The following GABRG1 variants were observed in gnomAD, a reference collection of about 807,000 sequenced individuals.
The protein encoded by GABRG1 is gamma-aminobutyric acid receptor subunit gamma-1.
A neutral mutation model predicts 49.8 loss-of-function variants in GABRG1; 49 were observed. The ratio of observed to expected loss-of-function variants is 0.98; its 90% CI spans 0.78 to 1.25. The LOEUF (loss-of-function observed/expected upper bound fraction) is 1.25, where lower values mean the gene tolerates loss of function less well. Ranked by LOEUF, GABRG1 falls within the 50% of genes most tolerant of loss-of-function variation. GABRG1 has a pLI of 0.00. For missense variants in GABRG1, 552 were observed against 552.3 expected, an observed-to-expected ratio of 1.00 and a Z score of 0.01; for synonymous variants, 232 against 185.1, an observed-to-expected ratio of 1.25 and a Z score of -2.06.
intron 5 of GABRG1, among the ~76,000 whole-genome samples, chr4:46,061,172 T>G (rs1187344494): frequency 6.6e-6 from 1 of 152,170 alleles, no homozygotes; most frequent in Non-Finnish European, 1.5e-5. Flanking sequence ...TTATTGCATA[T>G]GAACTTTTCC....
intron 2 of GABRG1, among the ~76,000 whole-genome samples, chr4:46,087,151 T>C (rs765552803): frequency 6.6e-5 from 10 of 151,630 alleles, no homozygotes; most frequent in Non-Finnish European, 1.0e-4. Flanking sequence ...ATGAGTTGAG[T>C]ATCCTTTCTC....
In GABRG1 at chr4:46,077,986, T is replaced by A. The variant is rs547378241; in HGVS notation, c.321+6000A>T. Among the ~76,000 whole-genome samples, 72 of 151,834 alleles carry A rather than the reference T, an allele frequency of 4.7e-4. No homozygotes were observed. In the South Asian group the frequency reaches 6.4e-3, roughly 14 times the overall value. On this transcript the variant is annotated intron_variant, in intron 3 of 8. Coordinates refer to ENST00000295452, the MANE Select transcript of GABRG1 (RefSeq NM_173536.4). The stretch of plus-strand genomic sequence containing the variant: ...GAAAATGACTTTTATTTATTTCTAA[T>A]ATTTAATTTTTTCTCTATAAATGTT...
At position 46,038,928 on chromosome 4, in the gene GABRG1, A is replaced by AG. The variant is rs2109388633; in HGVS notation, c.*2059dup. The AG allele has an allele frequency of 6.6e-6, 1 of 151,790 alleles. No individual in the cohort carries two copies. Among genetic ancestry groups the AG allele is most frequent in the South Asian group, 2.1e-4 (1 of 4,822 alleles). 9.4% of individuals were successfully genotyped at this position (151,790 alleles called of 1,614,324 possible). A position where few individuals can be genotyped will look rare whatever the true frequency, so the allele number is the denominator to read the frequency against. Reference sequence around the variant, plus strand: ...CAAAGCTATTTTTTTTCTTTTACATAGAACGTGGTTCAGAAGGAAAAGCTA... The same window carrying AG: ...CAAAGCTATTTTTTTTCTTTTACATAGGAACGTGGTTCAGAAGGAAAAGCTA... On this transcript the variant is annotated 3_prime_UTR_variant, in exon 9 of 9. Transcript: ENST00000295452.
chr4:46,090,614 G>C (rs185367680), intron 2 of GABRG1, among the ~76,000 whole-genome samples: 72 of 151,788 alleles, frequency 4.7e-4, no homozygotes, highest in African/African-American at 1.7e-3. Flanking sequence ...CTTCCTTTGT[G>C]GTTTAATTGA....
chr4:46,069,603 T>C (rs1259094966), intron 3 of GABRG1, among the ~76,000 whole-genome samples: 1 of 152,116 alleles, frequency 6.6e-6, no homozygotes, highest in Non-Finnish European at 1.5e-5. Flanking sequence ...ATTCAAAAAG[T>C]AGACACATAT....
intron 3 of GABRG1, among the ~76,000 whole-genome samples, chr4:46,072,592 A>G (rs1719171617): frequency 6.6e-6 from 1 of 152,164 alleles, no homozygotes; most frequent in South Asian, 2.1e-4. Flanking sequence ...AGTTTGCTTC[A>G]TATTTCTCAA....
At chr4:46,043,276 T>A (rs957059480) in intron 8 of GABRG1, among the ~76,000 whole-genome samples, 1 of 151,956 alleles carries the variant, frequency 6.6e-6, no homozygotes, top group African/African-American at 2.4e-5. Context: ...GCAAGGGGTT[T>A]ATTTAAAAAA....
chr4:46,044,119 A>G (rs1303884629), intron 8 of GABRG1, among the ~76,000 whole-genome samples: 1 of 152,124 alleles, frequency 6.6e-6, no homozygotes, highest in East Asian at 1.9e-4. Flanking sequence ...ACTCCTTCAC[A>G]AAATCCTGTT....
At chr4:46,048,414 G>GGAAC (rs1366429913) in intron 8 of GABRG1, among the ~76,000 whole-genome samples, 31 of 145,030 alleles carry the variant, frequency 2.1e-4, no homozygotes, top group African/African-American at 8.5e-4. Context: ...AAGGAAGGAA[G>GGAAC]GAAGGAAGGT....
At chr4:46,080,237 A>T (rs1377633080) in intron 3 of GABRG1, among the ~76,000 whole-genome samples, 1 of 151,854 alleles carries the variant, frequency 6.6e-6, no homozygotes, top group South Asian at 2.1e-4. Context: ...CTGGTCACTT[A>T]AATTATATGA....
chr4:46,037,358 G>T lies in GABRG1; in HGVS notation c.*3630C>A, dbSNP rs556090388. 4.0e-5 allele frequency: 6 copies of T among 151,886 alleles called. No individual in the cohort carries two copies. The East Asian group carries it at 1.2e-3, about 29-fold the overall frequency. 9.4% of individuals were successfully genotyped at this position (151,886 alleles called of 1,614,324 possible). On this transcript the variant is annotated 3_prime_UTR_variant, in exon 9 of 9. Transcript: ENST00000295452. ...AAGTCCTTGATAAAGTTTGGTAATG[G>T]TTTTTGTAACTGTATAGAAGCCTGG... is the stretch of plus-strand genomic sequence containing the variant.
intron 3 of GABRG1, among the ~76,000 whole-genome samples, chr4:46,080,610 A>T (rs896582590): frequency 1.3e-5 from 2 of 151,804 alleles, no homozygotes; most frequent in African/African-American, 2.4e-5. Flanking sequence ...TAATACCATT[A>T]ATCTTTTATA....
intron 5 of GABRG1, among the ~76,000 whole-genome samples, chr4:46,063,512 C>G (rs1488420345): frequency 6.6e-6 from 1 of 152,090 alleles, no homozygotes; most frequent in Non-Finnish European, 1.5e-5. Flanking sequence ...GGATCCCTTC[C>G]TTATACCTTA....
intron 1 of GABRG1, among the ~76,000 whole-genome samples, chr4:46,116,872 C>A (rs1334348838): frequency 6.6e-6 from 1 of 150,692 alleles, no homozygotes; most frequent in Non-Finnish European, 1.5e-5. Context: ...ATCCAGCCAA[C>A]AGGGCTACTC....
intron 1 of GABRG1, among the ~76,000 whole-genome samples, chr4:46,117,710 A>G (rs1341337240): frequency 6.9e-6 from 1 of 144,874 alleles, no homozygotes; most frequent in Non-Finnish European, 1.5e-5. Context: ...ATATATACAT[A>G]CATGTATATA....
intron 8 of GABRG1, among the ~76,000 whole-genome samples, chr4:46,049,414 C>T (rs1718128158): frequency 6.6e-6 from 1 of 151,742 alleles, no homozygotes; most frequent in African/African-American, 2.4e-5. Flanking sequence ...ACTGAAAGAG[C>T]TCATAAAGCA....
At chr4:46,108,950 C>T (rs964341671) in intron 1 of GABRG1, among the ~76,000 whole-genome samples, 1 of 151,014 alleles carries the variant, frequency 6.6e-6, no homozygotes, top group Non-Finnish European at 1.5e-5. Flanking sequence ...ATCAATACAA[C>T]ACCCATAGTG....
Position 46,112,310 on chromosome 4 carries a change from C to T in GABRG1, c.104+11500G>A, listed in dbSNP as rs568183634. ...AGATATCCTACACCAATCAGAATGA[C>T]TATTATTGAAAAGCCAAAAAGCAAC... On this transcript the variant is annotated intron_variant, in intron 1 of 8. Coordinates refer to ENST00000295452, the MANE Select transcript of GABRG1 (RefSeq NM_173536.4). Among the ~76,000 whole-genome samples, 6 of 151,186 alleles carry T rather than the reference C, an allele frequency of 4.0e-5. No homozygotes were observed. The East Asian group carries it at 7.8e-4, about 20-fold the overall frequency.
intron 2 of GABRG1, among the ~76,000 whole-genome samples, chr4:46,088,835 G>T (rs1337038213): frequency 2.6e-5 from 4 of 151,074 alleles, no homozygotes; most frequent in Non-Finnish European, 4.4e-5. Flanking sequence ...GTGTGTGTGT[G>T]TGTGTGTGTA....
Sources: gnomAD v4.1 joint callset for allele counts (sites outside exome capture counted in the v4.1 genomes callset) on GRCh38, gnomAD v4.1.1 for gene constraint, MANE v1.5 for transcripts, NCBI Gene and HGNC (gene_info 2026-07-23, HGNC 2026-07-21) for gene names.